Variants in DCDC2 observed in about 807,000 individuals in gnomAD.
DCDC2 encodes the protein doublecortin domain-containing protein 2.
A neutral mutation model predicts 50.2 loss-of-function variants in DCDC2; 40 were observed. That is an observed-to-expected ratio of 0.80 (90% confidence interval 0.62 to 1.04). The LOEUF (loss-of-function observed/expected upper bound fraction) is 1.04, where lower values mean the gene tolerates loss of function less well. Among genes scored for constraint, DCDC2 ranks in the 50% least tolerant of loss-of-function variants. DCDC2 has a pLI of 0.00. For synonymous variants in DCDC2, 234 were observed against 210.6 expected, an observed-to-expected ratio of 1.11 and a Z score of -0.96; for missense variants, 570 against 581.9, an observed-to-expected ratio of 0.98 and a Z score of 0.21.
At chr6:24,372,014 G>A in the DCDC2 span, among the ~76,000 whole-genome samples, 5 of 152,222 alleles carry the variant, frequency 3.3e-5, no homozygotes, top group African/African-American at 1.2e-4. Context: ...CTTTTACACT[G>A]TTGGTGGGAC....
At chr6:24,260,125 T>C (rs948074836) in intron 7 of DCDC2, among the ~76,000 whole-genome samples, 14 of 152,366 alleles carry the variant, frequency 9.2e-5, no homozygotes, top group Admixed American at 2.6e-4. Context: ...CTAATCCTAC[T>C]GATCTTCCTT....
At chr6:24,359,944 C>A (rs1760636101), upstream of DCDC2, among the ~76,000 whole-genome samples, 1 of 152,146 alleles carries the variant, frequency 6.6e-6, no homozygotes, top group Admixed American at 6.5e-5. Context: ...CAGGAGGTGC[C>A]CTCCGCCGTA....
intron 2 of DCDC2, among the ~76,000 whole-genome samples, chr6:24,350,797 A>C (rs1760355446): frequency 6.6e-6 from 1 of 152,196 alleles, no homozygotes; most frequent in South Asian, 2.1e-4. Flanking sequence ...CCTTAATAGC[A>C]CTTAACAAGA....
intron 2 of DCDC2, among the ~76,000 whole-genome samples, chr6:24,308,575 C>T (rs60953408): frequency 0.11 from 16,075 of 152,066 alleles, 1,199 homozygotes; most frequent in African/African-American, 0.21. Flanking sequence ...GAAAACATGA[C>T]GACCCGTTAT....
chr6:24,281,336 T>C (rs1472308387), intron 6 of DCDC2, among the ~76,000 whole-genome samples: 3 of 150,720 alleles, frequency 2.0e-5, no homozygotes, highest in South Asian at 2.1e-4. Context: ...TTTAAAATAA[T>C]TGAAATGCTT....
intron 7 of DCDC2, among the ~76,000 whole-genome samples, chr6:24,206,914 T>C (rs780674772): frequency 6.6e-6 from 1 of 152,068 alleles, no homozygotes; most frequent in East Asian, 1.9e-4. Flanking sequence ...TGAACCAAAA[T>C]GTTTAAGCCA....
chr6:24,233,231 C>T (rs1053480629), intron 7 of DCDC2, among the ~76,000 whole-genome samples: 25 of 152,162 alleles, frequency 1.6e-4, no homozygotes, highest in African/African-American at 5.1e-4. Flanking sequence ...TAGCTCAACA[C>T]AAAATCAAAG....
At chr6:24,295,765 G>A (rs1181999589) in intron 4 of DCDC2, among the ~76,000 whole-genome samples, 6 of 152,022 alleles carry the variant, frequency 3.9e-5, no homozygotes, top group South Asian at 2.1e-4. Flanking sequence ...AGCTAACCAG[G>A]CGGGTAAAAG....
the DCDC2 span, among the ~76,000 whole-genome samples, chr6:24,373,111 G>A: frequency 1.3e-5 from 2 of 152,142 alleles, no homozygotes; most frequent in Admixed American, 1.3e-4. Context: ...CAAGAATGCA[G>A]AAAAACAGGA....
intron 2 of DCDC2, among the ~76,000 whole-genome samples, chr6:24,351,389 G>A (rs1008871280): frequency 1.3e-5 from 2 of 152,174 alleles, no homozygotes. Context: ...CGAACAAGTG[G>A]GAAAGCTGGG....
At chr6:24,382,442 T>C in the DCDC2 span, among the ~76,000 whole-genome samples, 1 of 152,194 alleles carries the variant, frequency 6.6e-6, no homozygotes, top group South Asian at 2.1e-4. Flanking sequence ...TATTAGGCAG[T>C]CAATGCCTTT....
At position 24,218,821 on chromosome 6, in the gene DCDC2, G is replaced by GA. The variant is rs1762037927; in HGVS notation, c.923-13720dup. 4.6e-5 allele frequency among the ~76,000 whole-genome samples: 7 copies of GA among 152,136 alleles called. No individual in the cohort carries two copies. In the South Asian group the frequency reaches 1.5e-3, roughly 32 times the overall value. On this transcript the variant is annotated intron_variant, in intron 7 of 9. Transcript: ENST00000378454. ...AAATAAATAAAAATAAACCTTTGGGGAAAAAAAGAAAAGATAGAAAATATT... is the reference window on the plus strand; with the variant it reads ...AAATAAATAAAAATAAACCTTTGGGGAAAAAAAAGAAAAGATAGAAAATATT...
At chr6:24,211,465 T>A (rs1478106696) in intron 7 of DCDC2, among the ~76,000 whole-genome samples, 1 of 152,164 alleles carries the variant, frequency 6.6e-6, no homozygotes, top group Non-Finnish European at 1.5e-5. Context: ...GCATGTTACA[T>A]GACATGGCAA....
At chr6:24,332,231 G>A (rs561176487) in intron 2 of DCDC2, among the ~76,000 whole-genome samples, 4 of 150,996 alleles carry the variant, frequency 2.6e-5, no homozygotes, top group East Asian at 1.9e-4. Context: ...TCCCCTCCCC[G>A]AAAACCGGGA....
chr6:24,362,436 A>T (rs9295623), upstream of DCDC2, among the ~76,000 whole-genome samples: 1 of 87,880 alleles, frequency 1.1e-5, no homozygotes, highest in Non-Finnish European at 2.3e-5. Context: ...TTAATTGTAT[A>T]TTTATACAAT....
intron 7 of DCDC2, among the ~76,000 whole-genome samples, chr6:24,241,800 A>G (rs181582726): frequency 6.6e-6 from 1 of 152,224 alleles, no homozygotes; most frequent in Non-Finnish European, 1.5e-5. Context: ...ATCCCTAAAG[A>G]CAGTAGAATA....
intron 8 of DCDC2, among the ~76,000 whole-genome samples, chr6:24,199,088 C>G (rs1761517437): frequency 6.6e-6 from 1 of 152,228 alleles, no homozygotes. Flanking sequence ...ACAACTTCAG[C>G]AGACTTAAAC....
At chr6:24,336,712 C>G (rs1760062541) in intron 2 of DCDC2, among the ~76,000 whole-genome samples, 1 of 151,918 alleles carries the variant, frequency 6.6e-6, no homozygotes, top group African/African-American at 2.4e-5. Flanking sequence ...GTCAGTGATC[C>G]CTGCCTTTTT....
At chr6:24,246,439 G>A (rs992433963) in intron 7 of DCDC2, among the ~76,000 whole-genome samples, 22 of 139,612 alleles carry the variant, frequency 1.6e-4, no homozygotes, top group Non-Finnish European at 2.5e-4. Flanking sequence ...GAACCTCATT[G>A]TAAGATCTGT....
Sources: gnomAD v4.1 joint callset for allele counts (sites outside exome capture counted in the v4.1 genomes callset) on GRCh38, gnomAD v4.1.1 for gene constraint, MANE v1.5 for transcripts, NCBI Gene and HGNC (gene_info 2026-07-23, HGNC 2026-07-21) for gene names.